Variants in LPP observed in about 807,000 individuals in gnomAD.
The protein encoded by LPP is lipoma-preferred partner.
A neutral mutation model predicts 60.4 loss-of-function variants in LPP; 38 were observed. The ratio of observed to expected loss-of-function variants is 0.63; its 90% CI spans 0.49 to 0.83. The LOEUF (loss-of-function observed/expected upper bound fraction) is 0.83. Ranked by LOEUF, LPP falls within the 40% of genes least tolerant of loss-of-function variation. LPP has a pLI of 0.00. For synonymous variants in LPP, 328 were observed against 290.8 expected (o/e 1.13, Z -1.30); for missense variants, 902 against 783.6 (o/e 1.15, Z -1.80).
intron 6 of LPP, among the ~76,000 whole-genome samples, chr3:188,545,961 T>C (rs1304736511): frequency 1.3e-5 from 2 of 152,130 alleles, no homozygotes; most frequent in African/African-American, 2.4e-5. Context: ...AGCCTGCCAT[T>C]ATATTGTATT....
At chr3:188,401,983 A>G (rs759441737) in intron 3 of LPP, among the ~76,000 whole-genome samples, 1 of 152,212 alleles carries the variant, frequency 6.6e-6, no homozygotes, top group Non-Finnish European at 1.5e-5. Flanking sequence ...GGGAGCAGAG[A>G]TCAAACCTAG....
chr3:188,220,358 T>C (rs940953358), intron 1 of LPP, among the ~76,000 whole-genome samples: 1 of 152,186 alleles, frequency 6.6e-6, no homozygotes, highest in Non-Finnish European at 1.5e-5. Context: ...CCTCCCTTAC[T>C]TGATGTCTTA....
chr3:188,613,282 A>ATATC (rs1157110134), intron 7 of LPP, among the ~76,000 whole-genome samples: 1 of 141,212 alleles, frequency 7.1e-6, no homozygotes, highest in Non-Finnish European at 1.6e-5. Flanking sequence ...ATCTATATCT[A>ATATC]TATCTATATC....
chr3:188,228,534 TG>T (rs1478650430), intron 2 of LPP, among the ~76,000 whole-genome samples: 5 of 152,136 alleles, frequency 3.3e-5, no homozygotes, highest in Non-Finnish European at 7.4e-5. Flanking sequence ...CTGTAATCCC[TG>T]TGCTTTGGGA....
At chr3:188,462,630 GTGTGTTAC>G (rs1340337873) in intron 4 of LPP, among the ~76,000 whole-genome samples, 6,714 of 78,194 alleles carry the variant, frequency 0.086, 415 homozygotes, top group Non-Finnish European at 0.14. Context: ...GTGTGTGTGT[GTGTGTTAC>G]TTTTTTGGGT....
intron 9 of LPP, among the ~76,000 whole-genome samples, chr3:188,811,000 TA>T (rs1466012968): frequency 6.6e-6 from 1 of 152,124 alleles, no homozygotes; most frequent in Non-Finnish European, 1.5e-5. Flanking sequence ...TGTACATATA[TA>T]AAATATTTCT....
intron 7 of LPP, among the ~76,000 whole-genome samples, chr3:188,684,658 A>G (rs2149398821): frequency 6.6e-6 from 1 of 152,222 alleles, no homozygotes; most frequent in Middle Eastern, 3.4e-3. Context: ...TCAATATGCC[A>G]TTACCAGAAA....
intron 3 of LPP, among the ~76,000 whole-genome samples, chr3:188,390,690 A>C (rs544801733): frequency 6.6e-6 from 1 of 151,892 alleles, no homozygotes; most frequent in Admixed American, 6.6e-5. Context: ...TGTCTGACAC[A>C]TAAGGAAATT....
At chr3:188,276,326 C>T (rs76813940) in intron 2 of LPP, among the ~76,000 whole-genome samples, 3,126 of 152,234 alleles carry the variant, frequency 0.021, 49 homozygotes, top group Non-Finnish European at 0.033. Flanking sequence ...TGTTGGTGGC[C>T]GGACCCCAAC....
intron 2 of LPP, among the ~76,000 whole-genome samples, chr3:188,239,042 CAA>C (rs1226286499): frequency 2.6e-5 from 4 of 152,208 alleles, no homozygotes; most frequent in African/African-American, 4.8e-5. Flanking sequence ...AAAAGAATGA[CAA>C]AACATATTTC....
chr3:188,706,870 G>T (rs950920013), intron 7 of LPP, among the ~76,000 whole-genome samples: 6 of 152,166 alleles, frequency 3.9e-5, no homozygotes, highest in Admixed American at 2.6e-4. Flanking sequence ...ACTCATGGCA[G>T]ACATCATCAT....
intron 3 of LPP, among the ~76,000 whole-genome samples, chr3:188,349,749 C>G (rs1238468615): frequency 6.6e-6 from 1 of 152,204 alleles, no homozygotes; most frequent in East Asian, 1.9e-4. Flanking sequence ...GTGGTAAAAG[C>G]AGTAGCCGAA....
chr3:188,239,957 C>A (rs553933948), intron 2 of LPP: 1 of 199,970 alleles, frequency 5.0e-6, no homozygotes, highest in African/African-American at 2.3e-5. Flanking sequence ...TTATCCCAAA[C>A]ACCTCACTTT....
At position 188,881,259 on chromosome 3, in the gene LPP, C is replaced by G. The variant is rs1396195573; in HGVS notation, c.*6780C>G. On this transcript the variant is annotated 3_prime_UTR_variant, in exon 12 of 12. Coordinates refer to ENST00000617246, the MANE Select transcript of LPP (RefSeq NM_001375462.1). The stretch of plus-strand genomic sequence containing the variant: ...GTCCTGGCCAGTATGTAGTTGCGCT[C>G]ACATACGTCTATTCTAGCTCTGTAG... 5.3e-6 allele frequency: 1 copy of G among 187,792 alleles called. No individual in the cohort carries two copies. The highest frequency in any genetic ancestry group is 1.1e-5 in the Non-Finnish European group (1 of 88,946). The allele number at this position is 187,792 out of a possible 1,614,324, so 11.6% of individuals were successfully genotyped here.
chr3:188,181,644 A>G (rs1725042319), intron 1 of LPP, among the ~76,000 whole-genome samples: 1 of 152,230 alleles, frequency 6.6e-6, no homozygotes, highest in Admixed American at 6.5e-5. Flanking sequence ...ACCTGGTTCT[A>G]GCCTCAAAAG....
chr3:188,680,145 T>A (rs1260058706), intron 7 of LPP, among the ~76,000 whole-genome samples: 1 of 152,316 alleles, frequency 6.6e-6, no homozygotes, highest in Non-Finnish European at 1.5e-5. Context: ...CCCCTTCTTT[T>A]CTTCTCCGTT....
chr3:188,305,104 G>A (rs1022002742), intron 2 of LPP, among the ~76,000 whole-genome samples: 1 of 151,944 alleles, frequency 6.6e-6, no homozygotes, highest in African/African-American at 2.4e-5. Context: ...GGTTATATAT[G>A]TGCTTTTGAC....
chr3:188,737,646 A>C (rs142567824), intron 8 of LPP, among the ~76,000 whole-genome samples: 1 of 152,290 alleles, frequency 6.6e-6, no homozygotes, highest in East Asian at 1.9e-4. Context: ...CTAGACTCAG[A>C]TACCACCTCA....
chr3:188,884,372 G>A lies in LPP; in HGVS notation c.*9893G>A, dbSNP rs985954591. 17 of 230,362 alleles carry A rather than the reference G, an allele frequency of 7.4e-5. No individual in the cohort carries two copies. Among genetic ancestry groups the A allele is most frequent in the African/African-American group, 3.8e-4 (17 of 45,136 alleles). The allele number at this position is 230,362 out of a possible 1,614,324, so 14.3% of individuals were successfully genotyped here. ...AGACTACCAAGCCCCCAGTCATCCA[G>A]GGAAATTCAGAGACCAATTGACTGC... On this transcript the variant is annotated 3_prime_UTR_variant, in exon 12 of 12. Transcript: ENST00000617246.
Sources: gnomAD v4.1 joint callset for allele counts (sites outside exome capture counted in the v4.1 genomes callset) on GRCh38, gnomAD v4.1.1 for gene constraint, MANE v1.5 for transcripts, NCBI Gene and HGNC (gene_info 2026-07-23, HGNC 2026-07-21) for gene names.